The following JARID2 variants were observed in gnomAD, a reference collection of about 807,000 sequenced individuals.
The protein encoded by JARID2 is protein Jumonji.
In JARID2, 21 loss-of-function variants were observed where a neutral mutation model predicts 125.6. The observed-to-expected ratio is 0.17, with a 90% CI of 0.12 to 0.24. JARID2 has a LOEUF of 0.24. Among genes scored for constraint, JARID2 ranks in the 10% least tolerant of loss-of-function variants. JARID2 has a pLI of 1.00. For missense variants in JARID2, 1,303 were observed against 1,639.6 expected (o/e 0.79, Z 3.55); for synonymous variants, 736 against 661.6 (o/e 1.11, Z -1.73).
intron 4 of JARID2, among the ~76,000 whole-genome samples, chr6:15,462,586 C>T (rs1040194476): frequency 1.3e-5 from 2 of 152,196 alleles, no homozygotes; most frequent in African/African-American, 4.8e-5. Flanking sequence ...ATTTGATAGT[C>T]GGGGTTGATT....
At chr6:15,303,696 T>A (rs1280831285) in intron 1 of JARID2, among the ~76,000 whole-genome samples, 1 of 152,212 alleles carries the variant, frequency 6.6e-6, no homozygotes, top group Non-Finnish European at 1.5e-5. Context: ...AATACTGACC[T>A]CCGCTCCCAA....
intron 3 of JARID2, among the ~76,000 whole-genome samples, chr6:15,431,883 T>C (rs908895146): frequency 6.6e-6 from 1 of 152,200 alleles, no homozygotes; most frequent in African/African-American, 2.4e-5. Context: ...GGTATGCCAC[T>C]GGAAAGGACT....
rs72837838 is a variant in JARID2, at chr6:15,520,689, G to C, written c.*438G>C. The C allele has an allele frequency of 2.7e-6, 1 of 368,164 alleles. No individual in the cohort carries two copies. Among genetic ancestry groups the C allele is most frequent in the African/African-American group, 2.1e-5 (1 of 47,004 alleles). 22.8% of individuals were successfully genotyped at this position (368,164 alleles called of 1,614,324 possible). A position where few individuals can be genotyped will look rare whatever the true frequency, so the allele number is the denominator to read the frequency against. ...TTTAGAAGGGATAGGAGACACACGC[G>C]CACACACACACACACACGAAACTTG... On this transcript the variant is annotated 3_prime_UTR_variant, in exon 18 of 18. Transcript: ENST00000341776.
intron 1 of JARID2, among the ~76,000 whole-genome samples, chr6:15,263,031 C>T (rs1338356687): frequency 6.6e-6 from 1 of 151,964 alleles, no homozygotes; most frequent in East Asian, 1.9e-4. Context: ...ATGCTGTGCC[C>T]TCCCCTTCTG....
chr6:15,505,352 T>TTG (rs1027486484), intron 9 of JARID2: 5 of 151,232 alleles, frequency 3.3e-5, no homozygotes, highest in Middle Eastern at 3.2e-3. Context: ...GCTGTGTTTT[T>TTG]TTTTTTTTTT....
intron 1 of JARID2, among the ~76,000 whole-genome samples, chr6:15,276,460 T>A (rs1008361612): frequency 1.3e-5 from 2 of 152,218 alleles, no homozygotes; most frequent in African/African-American, 4.8e-5. Context: ...TACTGAGCAC[T>A]GGGAGAGCCA....
intron 12 of JARID2, 80 bp downstream of exon 12, chr6:15,508,534 C>A (rs941244479): frequency 5.0e-6 from 4 of 806,332 alleles, no homozygotes; most frequent in African/African-American, 1.7e-5. Context: ...TGGGTAACTT[C>A]TTGTCCAGGT....
Position 15,481,421 on chromosome 6 carries a change from C to G in JARID2, c.671-5886C>G, listed in dbSNP as rs192182857. ...CATTGAACTTTCTGTCTTTCTCTCTCTTATGTTCACAGGGTTTAATCTTTC... is the reference window on the plus strand; with the variant it reads ...CATTGAACTTTCTGTCTTTCTCTCTGTTATGTTCACAGGGTTTAATCTTTC... On this transcript the variant is annotated intron_variant, in intron 5 of 17. Transcript: ENST00000341776. 2.5e-4 allele frequency among the ~76,000 whole-genome samples: 38 copies of G among 152,264 alleles called. 1 individual carries two copies. In the East Asian group the frequency reaches 6.9e-3, roughly 28 times the overall value.
At chr6:15,404,295 A>G (rs1027519625) in intron 2 of JARID2, among the ~76,000 whole-genome samples, 5 of 152,190 alleles carry the variant, frequency 3.3e-5, no homozygotes, top group Non-Finnish European at 7.3e-5. Flanking sequence ...CTCCATGTTC[A>G]TATTGACCAT....
intron 1 of JARID2, among the ~76,000 whole-genome samples, chr6:15,306,524 G>C (rs1688323607): frequency 6.6e-6 from 1 of 151,664 alleles, no homozygotes; most frequent in Non-Finnish European, 1.5e-5. Context: ...AGTTAGTAGA[G>C]ACAGGGTCTC....
chr6:15,338,486 T>C (rs1290477391), intron 1 of JARID2, among the ~76,000 whole-genome samples: 1 of 152,212 alleles, frequency 6.6e-6, no homozygotes, highest in Non-Finnish European at 1.5e-5. Flanking sequence ...CTGTAGACAT[T>C]GAGGACAGAT....
chr6:15,456,878 C>CTTTTTTTTTTTT (rs71535043), intron 4 of JARID2, among the ~76,000 whole-genome samples: 4 of 95,672 alleles, frequency 4.2e-5, no homozygotes, highest in South Asian at 3.9e-4. Flanking sequence ...GGATGTTAAG[C>CTTTTTTTTTTTT]TTTTTTTTTT....
At chr6:15,412,266 G>T (rs1314599595) in intron 3 of JARID2, among the ~76,000 whole-genome samples, 1 of 152,136 alleles carries the variant, frequency 6.6e-6, no homozygotes, top group African/African-American at 2.4e-5. Flanking sequence ...GGAAGATTTT[G>T]TAGCCTTCAA....
In JARID2 at chr6:15,513,245, A is replaced by G. The variant is rs745499573; in HGVS notation, c.3273A>G (p.Thr1091=). Residue 1091 remains threonine (T), a synonymous_variant, in exon 16 of 18, where the codon ACA becomes ACG. Coordinates refer to ENST00000341776, the MANE Select transcript of JARID2 (RefSeq NM_004973.4). The part of the protein sequence containing the change: ...ISALLDELRD[T]ELRQRRQLFE... ...CGTCTCCCGTGTCTGGCAGGGATAC[A>G]GAGCTGCGGCAGCGCAGGCAGCTGT... The G allele has an allele frequency of 6.4e-7, 1 of 1,566,060 alleles. No homozygotes were observed. The highest frequency in any genetic ancestry group is 1.2e-5 in the South Asian group (1 of 86,796).
intron 3 of JARID2, among the ~76,000 whole-genome samples, chr6:15,434,065 C>T (rs1246995453): frequency 6.6e-6 from 1 of 151,618 alleles, no homozygotes; most frequent in African/African-American, 2.4e-5. Flanking sequence ...CAGTTTATAC[C>T]CAGTGGGGGA....
intron 1 of JARID2, chr6:15,369,367 A>T (rs762694059): frequency 4.9e-6 from 2 of 412,268 alleles, no homozygotes; most frequent in Admixed American, 5.4e-5. Context: ...GCTCTTTTTG[A>T]TAAGAAATTC....
intron 3 of JARID2, among the ~76,000 whole-genome samples, chr6:15,433,764 GAA>G (rs1016794121): frequency 2.6e-5 from 4 of 152,068 alleles, no homozygotes; most frequent in African/African-American, 9.7e-5. Context: ...GATATGGGGG[GAA>G]AATTTGACAG....
At position 15,512,312 on chromosome 6, in the gene JARID2, G is replaced by A. The variant is rs766216128; in HGVS notation, c.3057G>A (p.Val1019=). The A allele has an allele frequency of 1.9e-6, 3 of 1,614,162 alleles. No homozygotes were observed. The highest frequency in any genetic ancestry group is 1.7e-5 in the Admixed American group (1 of 60,020). ...VCFPGSFVSK[V]CCGYSVSETV... is the part of the protein sequence containing the mutation. Reference sequence around the variant, plus strand: ...TCCCGGGATCCTTTGTGTCCAAAGTGTGCTGTGGGTACAGCGTGTCTGAAA... The same window carrying A: ...TCCCGGGATCCTTTGTGTCCAAAGTATGCTGTGGGTACAGCGTGTCTGAAA... The change falls in exon 14 of 18, where the codon GTG becomes GTA. Residue 1019 remains valine, a synonymous_variant. Coordinates refer to ENST00000341776, the MANE Select transcript of JARID2 (RefSeq NM_004973.4).
intron 3 of JARID2, among the ~76,000 whole-genome samples, chr6:15,444,271 C>T (rs1038182336): frequency 3.9e-5 from 6 of 152,256 alleles, no homozygotes; most frequent in South Asian, 4.1e-4. Flanking sequence ...GTGGACCTTG[C>T]GCTTAGAAGG....
Sources: gnomAD v4.1 joint callset for allele counts (sites outside exome capture counted in the v4.1 genomes callset) on GRCh38, gnomAD v4.1.1 for gene constraint, MANE v1.5 for transcripts, NCBI Gene and HGNC (gene_info 2026-07-23, HGNC 2026-07-21) for gene names.